The following GPD2 variants were observed in gnomAD, a reference collection of about 807,000 sequenced individuals.
GPD2 encodes the protein glycerol-3-phosphate dehydrogenase 2.
A neutral mutation model predicts 82.4 loss-of-function variants in GPD2; 54 were observed. The ratio of observed to expected loss-of-function variants is 0.66; its 90% CI spans 0.53 to 0.82. The LOEUF (loss-of-function observed/expected upper bound fraction) is 0.82, where lower values mean the gene tolerates loss of function less well. GPD2 is among the 40% of genes least tolerant of loss of function. The pLI is 0.00. For synonymous variants in GPD2, 288 were observed against 306.1 expected, an observed-to-expected ratio of 0.94 and a Z score of 0.62; for missense variants, 748 against 896.2, an observed-to-expected ratio of 0.83 and a Z score of 2.11.
intron 2 of GPD2, among the ~76,000 whole-genome samples, chr2:156,489,704 C>A: frequency 8.6e-6 from 1 of 116,242 alleles, no homozygotes. Context: ...TCCTTCCTTC[C>A]TTCCTTCCTT....
At chr2:156,519,326 T>G (rs962237905) in intron 6 of GPD2, among the ~76,000 whole-genome samples, 2 of 152,158 alleles carry the variant, frequency 1.3e-5, no homozygotes, top group Non-Finnish European at 2.9e-5. Flanking sequence ...AGAGTAAACA[T>G]AACCAAATCC....
chr2:156,454,781 A>G (rs527978457), intron 1 of GPD2, among the ~76,000 whole-genome samples: 1 of 152,066 alleles, frequency 6.6e-6, no homozygotes, highest in South Asian at 2.1e-4. Context: ...GGAGCATGCT[A>G]GGGTTAGTCC....
intron 11 of GPD2, 112 bp from the exon 12 acceptor site, chr2:156,569,975 A>C (rs1196926963): frequency 6.5e-6 from 6 of 922,956 alleles, no homozygotes; most frequent in Non-Finnish European, 8.8e-6. Context: ...TCCGAGAGCT[A>C]TTAGTTACAG....
At chr2:156,452,386 C>T (rs1204373570) in intron 1 of GPD2, among the ~76,000 whole-genome samples, 1 of 152,244 alleles carries the variant, frequency 6.6e-6, no homozygotes, top group Non-Finnish European at 1.5e-5. Context: ...ACCCCGTCTC[C>T]ACCAAAAAAA....
chr2:156,476,958 T>G (rs1683535829), intron 2 of GPD2, among the ~76,000 whole-genome samples: 1 of 152,228 alleles, frequency 6.6e-6, no homozygotes, highest in African/African-American at 2.4e-5. Context: ...TTCTCAAAGA[T>G]GAAGGTGAAG....
intron 1 of GPD2, among the ~76,000 whole-genome samples, chr2:156,467,300 A>C (rs968736203): frequency 6.6e-6 from 1 of 152,156 alleles, no homozygotes; most frequent in Non-Finnish European, 1.5e-5. Flanking sequence ...TAGAGTCTGG[A>C]TGCCTTCCCA....
At chr2:156,415,851 G>A in the GPD2 span, among the ~76,000 whole-genome samples, 1 of 150,212 alleles carries the variant, frequency 6.7e-6, no homozygotes, top group Non-Finnish European at 1.5e-5. Flanking sequence ...GCGAAAGTCC[G>A]TCTCCAAAAA....
intron 3 of GPD2, among the ~76,000 whole-genome samples, chr2:156,498,130 A>T (rs1457192644): frequency 6.6e-6 from 1 of 152,306 alleles, no homozygotes; most frequent in East Asian, 1.9e-4. Context: ...AGGCATTTTC[A>T]TGCTATGCAC....
At chr2:156,407,346 C>A in the GPD2 span, among the ~76,000 whole-genome samples, 1 of 152,034 alleles carries the variant, frequency 6.6e-6, no homozygotes, top group African/African-American at 2.4e-5. Context: ...TATTTTTAAG[C>A]ACAAATGGTA....
intron 1 of GPD2, among the ~76,000 whole-genome samples, chr2:156,444,092 G>T (rs527451134): frequency 1.4e-4 from 21 of 152,296 alleles, no homozygotes; most frequent in African/African-American, 4.8e-4. Flanking sequence ...GGATGAATTT[G>T]AAGTCCATGG....
Position 156,550,666 on chromosome 2 carries a change from G to C in GPD2, c.891G>C (p.Val297=). 7 of 1,613,910 alleles carry C rather than the reference G, an allele frequency of 4.3e-6. No homozygotes were observed. The highest frequency in any genetic ancestry group is 1.7e-4 in the Middle Eastern group (1 of 6,058). ...INATGPFTDS[V]RKMDDKDAAA... is the part of the protein sequence containing the mutation. Reference sequence around the variant, plus strand: ...CCACGGGACCTTTCACGGACTCTGTGCGCAAAATGGATGATAAAGACGCAG... The same window carrying C: ...CCACGGGACCTTTCACGGACTCTGTCCGCAAAATGGATGATAAAGACGCAG... Residue 297 remains valine (V), a synonymous_variant, in exon 8 of 17, where the codon GTG becomes GTC. Transcript: ENST00000438166.
intron 16 of GPD2, among the ~76,000 whole-genome samples, chr2:156,581,698 G>A (rs1186860218): frequency 1.3e-5 from 2 of 151,920 alleles, no homozygotes; most frequent in Non-Finnish European, 2.9e-5. Context: ...ATATCTCATG[G>A]TTATATGACT....
At position 156,507,123 on chromosome 2, in the gene GPD2, C is replaced by T. The variant is rs866995075; in HGVS notation, c.275-3673C>T. ...CCGCCTCCTGGGTTCAAGCGATTCT[C>T]CTGCCTCAGCCTCCTGAGTAGCTGG... On this transcript the variant is annotated intron_variant, in intron 3 of 16. Coordinates refer to ENST00000438166, the MANE Select transcript of GPD2 (RefSeq NM_000408.5). 4.6e-5 allele frequency among the ~76,000 whole-genome samples: 7 copies of T among 151,992 alleles called. No homozygotes were observed. The Middle Eastern group carries it at 0.017, about 369-fold the overall frequency.
the GPD2 span, among the ~76,000 whole-genome samples, chr2:156,416,586 C>T: frequency 1.4e-5 from 2 of 147,892 alleles, no homozygotes; most frequent in East Asian, 4.0e-4. Flanking sequence ...TGGCCTCAAA[C>T]TCCTGGGCTC....
chr2:156,573,138 G>A (rs1183986569), intron 13 of GPD2, among the ~76,000 whole-genome samples: 1 of 152,138 alleles, frequency 6.6e-6, no homozygotes, highest in Non-Finnish European at 1.5e-5. Flanking sequence ...TGGGAAATGT[G>A]GGAGGAAAGG....
the GPD2 span, among the ~76,000 whole-genome samples, chr2:156,406,636 A>C: frequency 6.6e-6 from 1 of 151,676 alleles, no homozygotes; most frequent in Non-Finnish European, 1.5e-5. Flanking sequence ...TCATTTCTTT[A>C]TTCCAAAATT....
intron 1 of GPD2, among the ~76,000 whole-genome samples, chr2:156,442,437 T>A (rs1682207125): frequency 1.3e-5 from 2 of 152,244 alleles, no homozygotes; most frequent in Non-Finnish European, 2.9e-5. Flanking sequence ...CTTCTAAGTG[T>A]ACTTCAAAAG....
intron 8 of GPD2, 134 bp from the exon 9 acceptor site, chr2:156,557,255 G>C: frequency 1.4e-6 from 1 of 695,346 alleles, no homozygotes; most frequent in Non-Finnish European, 2.6e-6. Context: ...ATTAGGGTAG[G>C]GGAAGTGCAA....
At chr2:156,410,926 GGTCAATTAACAGAAT>G in the GPD2 span, among the ~76,000 whole-genome samples, 4 of 152,042 alleles carry the variant, frequency 2.6e-5, no homozygotes. Context: ...CACTCCATTT[GGTCAATTAACAGAAT>G]GTCTAACATA....
Sources: allele counts gnomAD v4.1 joint callset (sites outside exome capture counted in the v4.1 genomes callset), GRCh38; gene constraint gnomAD v4.1.1; transcripts MANE v1.5; gene names NCBI Gene and HGNC (gene_info 2026-07-23, HGNC 2026-07-21).